Variants in CTNNA2 observed in about 807,000 individuals in gnomAD.
The protein encoded by CTNNA2 is catenin alpha 2, also known as catenin alpha-2.
Under a neutral mutation model 101.0 loss-of-function variants are expected in CTNNA2, and 42 were observed. The observed-to-expected ratio is 0.42, with a 90% CI of 0.32 to 0.54. The LOEUF (loss-of-function observed/expected upper bound fraction) is 0.54, where lower values mean the gene tolerates loss of function less well. Ranked by LOEUF, CTNNA2 falls within the 20% of genes least tolerant of loss-of-function variation. CTNNA2 has a pLI of 0.14. For synonymous variants in CTNNA2, 450 were observed against 456.4 expected, an observed-to-expected ratio of 0.99 and a Z score of 0.18; for missense variants, 871 against 1,223.1, an observed-to-expected ratio of 0.71 and a Z score of 4.29.
chr2:79,985,603 A>G, intron 7 of CTNNA2, among the ~76,000 whole-genome samples: 1 of 152,218 alleles, frequency 6.6e-6, no homozygotes, highest in South Asian at 2.1e-4. Context: ...GGTAAAGCAA[A>G]TGTTGTCACA....
At chr2:79,854,123 A>ATT (rs5832413) in intron 3 of CTNNA2, among the ~76,000 whole-genome samples, 41 of 150,526 alleles carry the variant, frequency 2.7e-4, no homozygotes, top group Non-Finnish European at 5.5e-4. Flanking sequence ...GCAGAGCACC[A>ATT]TTTTTTTTTT....
intron 7 of CTNNA2, among the ~76,000 whole-genome samples, chr2:80,277,066 T>G (rs1673964731): frequency 6.6e-6 from 1 of 152,094 alleles, no homozygotes; most frequent in African/African-American, 2.4e-5. Flanking sequence ...TTCAAAAATT[T>G]ACTAGAATAA....
chr2:79,341,421 GA>G (rs1157191898), intron 3 of CTNNA2, among the ~76,000 whole-genome samples: 1 of 152,012 alleles, frequency 6.6e-6, no homozygotes, highest in East Asian at 1.9e-4. Flanking sequence ...ATGAGTGGGT[GA>G]AAAAAATGAG....
intron 1 of CTNNA2, among the ~76,000 whole-genome samples, chr2:79,629,924 A>C (rs1679576290): frequency 6.6e-6 from 1 of 152,098 alleles, no homozygotes; most frequent in East Asian, 1.9e-4. Flanking sequence ...CAAACCAACA[A>C]ATCCAAAGCC....
chr2:79,879,335 TC>T (rs201094092), intron 6 of CTNNA2, among the ~76,000 whole-genome samples: 4,613 of 152,188 alleles, frequency 0.03, 154 homozygotes, highest in East Asian at 0.18. Flanking sequence ...TAAAGTAGTT[TC>T]TTTTTCTAAT....
chr2:80,174,446 G>A lies in CTNNA2; in HGVS notation c.1057-218765G>A, dbSNP rs143581561. 5.3e-5 allele frequency among the ~76,000 whole-genome samples: 8 copies of A among 152,110 alleles called. No individual in the cohort carries two copies. In the East Asian group the frequency reaches 1.4e-3, roughly 26 times the overall value. ...TCATCCTCTGGGGCTACCTTCCTTG[G>A]GCTGTTTTTCCAAGACTCTGGACCA... On this transcript the variant is annotated intron_variant, in intron 7 of 18. Transcript: ENST00000402739.
rs544897771 is a variant in CTNNA2 at position 79,331,466 on chromosome 2, A to T, written c.-318+18670A>T. Among the ~76,000 whole-genome samples, 40 of 152,132 alleles carry T rather than the reference A, an allele frequency of 2.6e-4. No individual in the cohort carries two copies. The South Asian group carries it at 8.3e-3, about 32-fold the overall frequency. ...TGCTCTACTTTAAGTCTAACTTTGA[A>T]AATCTCTTTCCCTAAAGCCCTCTGT... is the stretch of plus-strand genomic sequence containing the variant. On this transcript the variant is annotated intron_variant, in intron 3 of 21. Coordinates refer to the CTNNA2 transcript ENST00000466387.
intron 9 of CTNNA2, among the ~76,000 whole-genome samples, chr2:80,437,693 T>C (rs905159125): frequency 1.3e-5 from 2 of 152,200 alleles, no homozygotes; most frequent in African/African-American, 4.8e-5. Flanking sequence ...TTGCTAGAGC[T>C]GCCATTAAAA....
chr2:80,299,886 C>T (rs200354371), intron 7 of CTNNA2, among the ~76,000 whole-genome samples: 1 of 152,152 alleles, frequency 6.6e-6, no homozygotes, highest in South Asian at 2.1e-4. Flanking sequence ...CAGCTTTGGG[C>T]GCTGGATTCC....
At chr2:80,453,075 A>G (rs1683658227) in intron 9 of CTNNA2, among the ~76,000 whole-genome samples, 1 of 152,066 alleles carries the variant, frequency 6.6e-6, no homozygotes, top group Non-Finnish European at 1.5e-5. Flanking sequence ...GGAATTTGTT[A>G]AGGGGCTGCT....
At chr2:80,411,277 T>G (rs1391205519) in intron 8 of CTNNA2, among the ~76,000 whole-genome samples, 1 of 152,150 alleles carries the variant, frequency 6.6e-6, no homozygotes, top group Non-Finnish European at 1.5e-5. Flanking sequence ...AGACCACAAG[T>G]TCTCCTTTTT....
At chr2:79,771,310 G>C (rs970677349) in intron 3 of CTNNA2, among the ~76,000 whole-genome samples, 1 of 152,134 alleles carries the variant, frequency 6.6e-6, no homozygotes, top group Non-Finnish European at 1.5e-5. Flanking sequence ...TTAGCTCAGC[G>C]GTCCCAACCT....
intron 7 of CTNNA2, among the ~76,000 whole-genome samples, chr2:80,121,981 G>T (rs56392318): frequency 6.6e-6 from 1 of 152,042 alleles, no homozygotes; most frequent in Non-Finnish European, 1.5e-5. Flanking sequence ...GGTGTAACAG[G>T]GAAATTGCCA....
At chr2:79,473,574 A>C (rs572497788) in intron 4 of CTNNA2, among the ~76,000 whole-genome samples, 1 of 152,298 alleles carries the variant, frequency 6.6e-6, no homozygotes, top group African/African-American at 2.4e-5. Flanking sequence ...ATCAGAAATT[A>C]TGTGTGCTAG....
Position 79,744,397 on chromosome 2 carries a change from T to A in CTNNA2, c.113T>A (p.Leu38His). 6.2e-7 allele frequency: 1 copy of A among 1,611,276 alleles called. No homozygotes were observed. The highest frequency in any genetic ancestry group is 8.5e-7 in the Non-Finnish European group (1 of 1,179,286). The change falls in exon 3 of 19, where the codon CTT becomes CAT. Residue 38 changes from leucine to histidine, a missense_variant. Transcript: ENST00000402739. ...LEPLVTQVTT[L>H]VNTSNKGPSG... ...TCTTTTATATTTAAGGTGACTACAC[T>A]TGTCAACACAAGCAACAAAGGCCCA... is the stretch of plus-strand genomic sequence containing the variant.
At chr2:79,753,869 T>C (rs7604022) in intron 3 of CTNNA2, among the ~76,000 whole-genome samples, 54,155 of 131,264 alleles carry the variant, frequency 0.41, 10,681 homozygotes, top group East Asian at 0.74. Context: ...TTTTCTCTCT[T>C]TTTTTTTTTT....
chr2:79,851,182 A>G (rs922100111), intron 3 of CTNNA2, among the ~76,000 whole-genome samples: 1 of 152,222 alleles, frequency 6.6e-6, no homozygotes, highest in East Asian at 1.9e-4. Context: ...GTGACCTTGT[A>G]ACTTCTGTGG....
chr2:80,338,919 A>G (rs1255961090), intron 7 of CTNNA2, among the ~76,000 whole-genome samples: 1 of 152,202 alleles, frequency 6.6e-6, no homozygotes. Flanking sequence ...GAAACAGCAC[A>G]TTAAGTTGAA....
At chr2:80,031,915 A>C (rs750036579) in intron 7 of CTNNA2, among the ~76,000 whole-genome samples, 4 of 152,254 alleles carry the variant, frequency 2.6e-5, no homozygotes, top group African/African-American at 7.2e-5. Flanking sequence ...TGTAATTGTG[A>C]TAATGGAATG....
Sources: allele counts gnomAD v4.1 joint callset (sites outside exome capture counted in the v4.1 genomes callset), GRCh38; gene constraint gnomAD v4.1.1; transcripts MANE v1.5; gene names NCBI Gene and HGNC (gene_info 2026-07-23, HGNC 2026-07-21).